Variants in CDC25B observed in about 807,000 individuals in gnomAD.
CDC25B encodes the protein cell division cycle 25B, also known as M-phase inducer phosphatase 2.
In CDC25B, 33 loss-of-function variants were observed where a neutral mutation model predicts 69.8. The observed-to-expected ratio is 0.47, with a 90% CI of 0.36 to 0.63. The LOEUF (loss-of-function observed/expected upper bound fraction) is 0.63. CDC25B is among the 30% of genes least tolerant of loss of function. The pLI is 0.00. For missense variants in CDC25B, 727 were observed against 809.1 expected, an observed-to-expected ratio of 0.90 and a Z score of 1.23; for synonymous variants, 341 against 314.6, an observed-to-expected ratio of 1.08 and a Z score of -0.89.
chr20:3,804,676 A>C lies in CDC25B; in HGVS notation c.1598A>C (p.His533Pro). Reference sequence around the variant, plus strand: ...GGCTACAAGGAGTTCTTCCCTCAGCACCCGGTAGCGTGGGTGGGGAAGGCC... The same window carrying C: ...GGCTACAAGGAGTTCTTCCCTCAGCCCCCGGTAGCGTGGGTGGGGAAGGCC... ...KGGYKEFFPQ[H>P]PNFCEPQDYR... is the part of the protein sequence containing the mutation. The change falls in exon 15 of 16, where the codon CAC (histidine) becomes CCC (proline). Residue 533 changes from histidine (H) to proline (P), a missense_variant. By Grantham distance (77) the His-to-Pro change is moderately conservative (BLOSUM62 -2). Coordinates refer to ENST00000245960, the MANE Select transcript of CDC25B (RefSeq NM_021873.4). 1.3e-6 allele frequency: 2 copies of C among 1,483,374 alleles called. No individual in the cohort carries two copies. Among genetic ancestry groups the C allele is most frequent in the South Asian group, 1.1e-5 (1 of 89,082 alleles). 91.9% of individuals were successfully genotyped at this position (1,483,374 alleles called of 1,614,324 possible).
intron 3 of CDC25B, among the ~76,000 whole-genome samples, chr20:3,799,525 T>TGCGC (rs35316200): frequency 0.026 from 1,818 of 68,702 alleles, 19 homozygotes; most frequent in African/African-American, 0.047. Flanking sequence ...TGTGTGTGTG[T>TGCGC]GCGCGCGCGC....
At chr20:3,800,634 G>T (rs1184296158) in intron 5 of CDC25B, 109 bp from the exon 6 acceptor site, 2 of 1,588,882 alleles carry the variant, frequency 1.3e-6, no homozygotes, top group African/African-American at 2.7e-5. Flanking sequence ...TCAGAGGTAG[G>T]TAGGTAAGTG....
chr20:3,801,484 A>C, intron 8 of CDC25B, 96 bp downstream of exon 8: 3 of 1,402,158 alleles, frequency 2.1e-6, no homozygotes, highest in Non-Finnish European at 1.9e-6. Flanking sequence ...CCATGATGTC[A>C]TTCCAGTGTC....
intron 1 of CDC25B, among the ~76,000 whole-genome samples, chr20:3,790,431 T>G (rs1600374767): frequency 7.6e-6 from 1 of 132,066 alleles, no homozygotes; most frequent in African/African-American, 2.9e-5. Flanking sequence ...CAGGCTGGAG[T>G]GCAGTGGCTC....
At chr20:3,796,155 C>A (rs1282451365), upstream of CDC25B, 5 of 1,126,206 alleles carry the variant, frequency 4.4e-6, no homozygotes, top group Non-Finnish European at 5.4e-6. Context: ...TCCGGCCCAC[C>A]CAAAGCCTGG....
chr20:3,800,800 G>T lies in CDC25B; in HGVS notation c.517G>T (p.Asp173Tyr). 1.2e-6 allele frequency: 2 copies of T among 1,612,798 alleles called. No homozygotes were observed. Among genetic ancestry groups the T allele is most frequent in the South Asian group, 1.1e-5 (1 of 91,082 alleles). Reference sequence around the variant, plus strand: ...GAACATCACCAACTCCCAGGCGCCCGACGGCCGGAGGAAGAGCGAGGCGGG... The same window carrying T: ...GAACATCACCAACTCCCAGGCGCCCTACGGCCGGAGGAAGAGCGAGGCGGG... ...LRNITNSQAP[D>Y]GRRKSEAGSG... The change falls in exon 6 of 16, where the codon GAC becomes TAC. Residue 173 changes from aspartate to tyrosine, a missense_variant. By Grantham distance (160) the Asp-to-Tyr change is radical. Transcript: ENST00000245960.
chr20:3,787,509 C>T (rs1205160989), intron 1 of CDC25B, among the ~76,000 whole-genome samples: 1 of 152,200 alleles, frequency 6.6e-6, no homozygotes, highest in Non-Finnish European at 1.5e-5. Context: ...CTTGGTGTGT[C>T]ACTTTCTGGG....
rs1052778969 is a variant in CDC25B, at chr20:3,800,836, G to A, written c.553G>A (p.Ala185Thr). The A allele has an allele frequency of 6.2e-6, 10 of 1,613,582 alleles. No homozygotes were observed. Among genetic ancestry groups the A allele is most frequent in the Non-Finnish European group, 1.7e-6 (2 of 1,180,048 alleles). ...RRKSEAGSGA[A>T]SSSGEDKEND... ...GAAGAGCGAGGCGGGCAGTGGAGCT[G>A]CCAGCAGCTCTGGGGAAGACAAGGA... The change falls in exon 6 of 16, where the codon GCC becomes ACC. Residue 185 changes from alanine (A) to threonine (T), a missense_variant. Coordinates refer to ENST00000245960, the MANE Select transcript of CDC25B (RefSeq NM_021873.4).
At position 3,796,669 on chromosome 20, in the gene CDC25B, G is replaced by A; in HGVS notation, c.138G>A (p.Ala46=). The A allele has an allele frequency of 6.6e-7, 1 of 1,513,360 alleles. No individual in the cohort carries two copies. Among genetic ancestry groups the A allele is most frequent in the Non-Finnish European group, 8.8e-7 (1 of 1,140,866 alleles). The allele number at this position is 1,513,360 out of a possible 1,614,324, so 93.7% of individuals were successfully genotyped here. Reference sequence around the variant, plus strand: ...GCCTCCTGGGGTCCCCGGTGCGGGCGGCCGCTTCCTCGCCGGTCACCACCC... The same window carrying A: ...GCCTCCTGGGGTCCCCGGTGCGGGCAGCCGCTTCCTCGCCGGTCACCACCC... ...SHGLLGSPVR[A]AASSPVTTLT... is the part of the protein sequence containing the mutation. Residue 46 remains alanine, a synonymous_variant, in exon 1 of 16, where the codon GCG becomes GCA. Coordinates refer to ENST00000245960, the MANE Select transcript of CDC25B (RefSeq NM_021873.4).
upstream of CDC25B, chr20:3,796,250 G>T: frequency 7.9e-7 from 1 of 1,272,108 alleles, no homozygotes; most frequent in Non-Finnish European, 9.9e-7. Flanking sequence ...GGTGGCGTCC[G>T]GCGGCGCGGC....
intron 1 of CDC25B, among the ~76,000 whole-genome samples, chr20:3,790,961 C>T (rs1159051721): frequency 6.6e-6 from 1 of 152,152 alleles, no homozygotes; most frequent in East Asian, 1.9e-4. Context: ...CCTCCTTAGC[C>T]TCCCAAAGTG....
At chr20:3,789,110 C>T (rs904755819) in intron 1 of CDC25B, among the ~76,000 whole-genome samples, 5 of 152,218 alleles carry the variant, frequency 3.3e-5, no homozygotes, top group African/African-American at 1.2e-4. Context: ...CCGGGCTTCC[C>T]CACCTCTTTC....
intron 2 of CDC25B, 83 bp downstream of exon 2, chr20:3,797,832 G>A (rs1368103054): frequency 7.8e-6 from 12 of 1,535,760 alleles, no homozygotes; most frequent in African/African-American, 2.7e-5. Context: ...TTTCCCTGCC[G>A]ATCAAACTAA....
chr20:3,802,977 A>T lies in CDC25B; in HGVS notation c.1257+5A>T. On this transcript the variant is annotated splice_donor_5th_base_variant and intron_variant, in intron 12 of 15. Transcript: ENST00000245960. ...AAGTACATCTCACCAGAAACGGTAAACAGCGTTGCGTCATTTTCTAGGCAG... is the reference window on the plus strand; with the variant it reads ...AAGTACATCTCACCAGAAACGGTAATCAGCGTTGCGTCATTTTCTAGGCAG... 6.2e-7 allele frequency: 1 copy of T among 1,613,440 alleles called. No individual in the cohort carries two copies. The highest frequency in any genetic ancestry group is 8.5e-7 in the Non-Finnish European group (1 of 1,179,388).
chr20:3,799,539 T>C lies in CDC25B; in HGVS notation c.381-749T>C, dbSNP rs1310571932. On this transcript the variant is annotated intron_variant, in intron 3 of 15. Transcript: ENST00000245960. ...GTGTGTGTGTGTGCGCGCGCGCGCGTAGATGCACAAAAGCTCCGCGTGGCA... is the reference window on the plus strand; with the variant it reads ...GTGTGTGTGTGTGCGCGCGCGCGCGCAGATGCACAAAAGCTCCGCGTGGCA... Among the ~76,000 whole-genome samples the C allele has an allele frequency of 8.0e-5, 11 of 138,144 alleles. 1 individual carries two copies. The highest frequency in any genetic ancestry group is 2.9e-4 in the African/African-American group (10 of 34,392). The allele number at this position is 138,144 out of a possible 152,430, so 90.6% of individuals were successfully genotyped here. A position where few individuals can be genotyped will look rare whatever the true frequency, so the allele number is the denominator to read the frequency against.
At position 3,796,430 on chromosome 20, in the gene CDC25B, C is replaced by CCA. The variant is rs1309986853; in HGVS notation, c.-102_-101insCA. The stretch of plus-strand genomic sequence containing the variant: ...CTCCCTCCCTCCTTCCCCCCCCCCC[C>CCA]ACCCCTCGCCCGCTGCCTCCCTCGG... On this transcript the variant is annotated 5_prime_UTR_variant, in exon 1 of 16. Coordinates refer to ENST00000245960, the MANE Select transcript of CDC25B (RefSeq NM_021873.4). The CCA allele has an allele frequency of 4.5e-5, 16 of 354,980 alleles. No individual in the cohort carries two copies. The highest frequency in any genetic ancestry group is 6.5e-5 in the Non-Finnish European group (16 of 246,648). The allele number at this position is 354,980 out of a possible 1,614,324, so 22.0% of individuals were successfully genotyped here.
chr20:3,796,074 A>C, upstream of CDC25B: 1 of 1,004,896 alleles, frequency 1.0e-6, no homozygotes. Flanking sequence ...ATGTCGCGAG[A>C]GGCGGATTTT....
Position 3,798,481 on chromosome 20 carries a change from T to C in CDC25B, c.380+18T>C. On this transcript the variant is annotated intron_variant, in intron 3 of 15. Transcript: ENST00000245960. The stretch of plus-strand genomic sequence containing the variant: ...GAGCAGACGTGAGTAGAGAAGGGAA[T>C]GTGTACTTCCAAGCATTCAGCACCT... The C allele has an allele frequency of 1.3e-6, 2 of 1,578,460 alleles. No homozygotes were observed. Among genetic ancestry groups the C allele is most frequent in the Non-Finnish European group, 1.7e-6 (2 of 1,156,708 alleles).
rs762747082 is a variant in CDC25B at position 3,804,929 on chromosome 20, C to A, written c.1711C>A (p.Arg571=). ...TRSWAGERSR[R]ELCSRLQDQ is the part of the protein sequence containing the mutation. ...CAGCTGGGCTGGGGAGCGGAGCCGGCGGGAGCTCTGTAGCCGGCTGCAGGA... is the reference window on the plus strand; with the variant it reads ...CAGCTGGGCTGGGGAGCGGAGCCGGAGGGAGCTCTGTAGCCGGCTGCAGGA... Residue 571 remains arginine, a synonymous_variant, in exon 16 of 16, where the codon CGG becomes AGG. Transcript: ENST00000245960. 4.3e-6 allele frequency: 7 copies of A among 1,613,368 alleles called. No homozygotes were observed. The highest frequency in any genetic ancestry group is 1.7e-5 in the Admixed American group (1 of 60,008).
Sources: gnomAD v4.1 joint callset for allele counts (sites outside exome capture counted in the v4.1 genomes callset) on GRCh38, gnomAD v4.1.1 for gene constraint, MANE v1.5 for transcripts, NCBI Gene and HGNC (gene_info 2026-07-23, HGNC 2026-07-21) for gene names.